BCL2L14: variants seen among roughly 807,000 people sequenced by gnomAD.
BCL2L14 encodes apoptosis facilitator Bcl-2-like protein 14.
A neutral mutation model predicts 35.3 loss-of-function variants in BCL2L14; 27 were observed. The ratio of observed to expected loss-of-function variants is 0.76; its 90% CI spans 0.56 to 1.05. The LOEUF (loss-of-function observed/expected upper bound fraction) is 1.05. BCL2L14 is among the 50% of genes least tolerant of loss of function. The probability of loss-of-function intolerance (pLI) is 0.00; values close to 1 mark genes in which losing one functional copy is unlikely to be tolerated. For synonymous variants in BCL2L14, 139 were observed against 145.9 expected, an observed-to-expected ratio of 0.95 and a Z score of 0.34; for missense variants, 377 against 382.6, an observed-to-expected ratio of 0.99 and a Z score of 0.12.
At chr12:12,075,080 T>C (rs1266462855) in intron 1 of BCL2L14, among the ~76,000 whole-genome samples, 1 of 152,200 alleles carries the variant, frequency 6.6e-6, no homozygotes, top group Non-Finnish European at 1.5e-5. Flanking sequence ...TGACATCTAA[T>C]TGATGTCTCT....
At chr12:12,054,169 A>T (rs903557709) in intron 2 of BCL2L14, among the ~76,000 whole-genome samples, 1 of 152,122 alleles carries the variant, frequency 6.6e-6, no homozygotes, top group Non-Finnish European at 1.5e-5. Flanking sequence ...ACTTAATAGG[A>T]TAGGAAACCA....
intron 1 of BCL2L14, among the ~76,000 whole-genome samples, chr12:12,051,155 G>T (rs939865662): frequency 2.0e-5 from 3 of 152,176 alleles, no homozygotes; most frequent in Non-Finnish European, 2.9e-5. Flanking sequence ...AAGAGTGAGG[G>T]AGGGGTTAAT....
chr12:12,081,232 T>G (rs1948917547), intron 2 of BCL2L14, among the ~76,000 whole-genome samples: 1 of 151,970 alleles, frequency 6.6e-6, no homozygotes, highest in Non-Finnish European at 1.5e-5. Flanking sequence ...GAGGATCACT[T>G]GACACCAAGA....
intron 2 of BCL2L14, among the ~76,000 whole-genome samples, chr12:12,085,247 G>A (rs575150176): frequency 6.6e-6 from 1 of 152,290 alleles, no homozygotes; most frequent in African/African-American, 2.4e-5. Context: ...GATGGGCACA[G>A]GGTGCTTTCT....
At chr12:12,064,854 G>A (rs954710489) in intron 2 of BCL2L14, among the ~76,000 whole-genome samples, 11 of 152,186 alleles carry the variant, frequency 7.2e-5, no homozygotes, top group East Asian at 5.8e-4. Context: ...CTCCTATCAC[G>A]ATTACCTCCT....
At chr12:12,063,824 T>C (rs1429709915) in intron 2 of BCL2L14, among the ~76,000 whole-genome samples, 3 of 151,990 alleles carry the variant, frequency 2.0e-5, no homozygotes, top group South Asian at 2.1e-4. Flanking sequence ...ACTGATGACA[T>C]TGTCTTGTGA....
chr12:12,058,253 C>CTTTT (rs58296575), intron 2 of BCL2L14, among the ~76,000 whole-genome samples: 1 of 143,630 alleles, frequency 7.0e-6, no homozygotes. Flanking sequence ...TGCCCAGACT[C>CTTTT]TTTTTTTTTT....
intron 2 of BCL2L14, among the ~76,000 whole-genome samples, chr12:12,079,964 G>T (rs1413576790): frequency 6.6e-6 from 1 of 152,208 alleles, no homozygotes; most frequent in African/African-American, 2.4e-5. Context: ...CAGCACTCTG[G>T]GAGGCCAAGG....
chr12:12,098,990 A>G lies in BCL2L14; in HGVS notation c.*2A>G, dbSNP rs1245295375. ...ATATCACATGAAGAAGTAGACTGAAATATCAGATTTGTCATCAGGAATACT... is the reference window on the plus strand; with the variant it reads ...ATATCACATGAAGAAGTAGACTGAAGTATCAGATTTGTCATCAGGAATACT... On this transcript the variant is annotated 3_prime_UTR_variant, in exon 6 of 6. Coordinates refer to ENST00000308721, the MANE Select transcript of BCL2L14 (RefSeq NM_138723.2). The G allele has an allele frequency of 1.3e-6, 2 of 1,599,318 alleles. No homozygotes were observed. The highest frequency in any genetic ancestry group is 2.2e-5 in the South Asian group (2 of 90,744).
intron 1 of BCL2L14, among the ~76,000 whole-genome samples, chr12:12,050,144 A>AGTTT (rs1171305069): frequency 6.6e-6 from 1 of 152,208 alleles, no homozygotes; most frequent in Admixed American, 6.5e-5. Flanking sequence ...GGTGGCAGAA[A>AGTTT]CACTCAGGGC....
At chr12:12,073,646 G>T (rs1948717215) in intron 1 of BCL2L14, among the ~76,000 whole-genome samples, 1 of 151,990 alleles carries the variant, frequency 6.6e-6, no homozygotes, top group Admixed American at 6.6e-5. Context: ...ATATTAAAAA[G>T]GTCTGGATGT....
At chr12:12,088,545 G>T (rs142473142) in intron 3 of BCL2L14, among the ~76,000 whole-genome samples, 2 of 152,186 alleles carry the variant, frequency 1.3e-5, no homozygotes, top group South Asian at 4.1e-4. Context: ...CTTTTAGCTT[G>T]CTTGTCTATG....
intron 2 of BCL2L14, 71 bp from the exon 3 acceptor site, chr12:12,087,142 C>T: frequency 2.0e-6 from 3 of 1,516,532 alleles, no homozygotes; most frequent in South Asian, 1.2e-5. Flanking sequence ...TCATTCCAGG[C>T]AACTTTGCAT....
Position 12,090,846 on chromosome 12 carries a change from A to G in BCL2L14, c.675A>G (p.Arg225=). Residue 225 remains arginine (R), a synonymous_variant, in exon 4 of 6, where the codon AGA becomes AGG. Coordinates refer to ENST00000308721, the MANE Select transcript of BCL2L14 (RefSeq NM_138723.2). ...AATATTCAGGAGATCAGTTGGAAAGAAAGGTATGGAACACCTTGAACTGAT... is the reference window on the plus strand; with the variant it reads ...AATATTCAGGAGATCAGTTGGAAAGGAAGGTATGGAACACCTTGAACTGAT... ...LLKYSGDQLE[R]KLKKDKALMG... The G allele has an allele frequency of 6.2e-7, 1 of 1,611,958 alleles. No homozygotes were observed. The highest frequency in any genetic ancestry group is 1.3e-5 in the African/African-American group (1 of 75,020).
chr12:12,062,660 G>A (rs756547591), intron 2 of BCL2L14, among the ~76,000 whole-genome samples: 26 of 151,914 alleles, frequency 1.7e-4, no homozygotes, highest in Non-Finnish European at 3.5e-4. Flanking sequence ...TCTTAGTCTA[G>A]GTAGACACTT....
intron 2 of BCL2L14, among the ~76,000 whole-genome samples, chr12:12,080,825 A>G (rs577052813): frequency 6.6e-6 from 1 of 152,276 alleles, no homozygotes; most frequent in African/African-American, 2.4e-5. Flanking sequence ...AAACCATCCT[A>G]CAAAAACAAC....
At chr12:12,058,170 T>TGTAACATTCTA (rs1948461616) in intron 2 of BCL2L14, among the ~76,000 whole-genome samples, 1 of 152,076 alleles carries the variant, frequency 6.6e-6, no homozygotes. Context: ...CAGGCTGTTC[T>TGTAACATTCTA]CCAACTCTTG....
At chr12:12,095,620 G>A (rs1261553807) in intron 5 of BCL2L14, 1 of 985,100 alleles carries the variant, frequency 1.0e-6, no homozygotes, top group Non-Finnish European at 1.2e-6. Flanking sequence ...CTCTCAACAG[G>A]CCTAGGCATT....
Position 12,097,016 on chromosome 12 carries a change from T to G in BCL2L14, c.946-1934T>G, listed in dbSNP as rs137879261. Among the ~76,000 whole-genome samples the G allele has an allele frequency of 1.7e-4, 26 of 152,188 alleles. No individual in the cohort carries two copies. In the East Asian group the frequency reaches 3.3e-3, roughly 19 times the overall value. On this transcript the variant is annotated intron_variant, in intron 5 of 5. Coordinates refer to ENST00000308721, the MANE Select transcript of BCL2L14 (RefSeq NM_138723.2). The stretch of plus-strand genomic sequence containing the variant: ...AAAATTAGCCGGGCATGGTGGCAGG[T>G]GCCTGTAGTCCCAGCTACTCAGGGG...
Sources: allele counts gnomAD v4.1 joint callset (sites outside exome capture counted in the v4.1 genomes callset), GRCh38; gene constraint gnomAD v4.1.1; transcripts MANE v1.5; gene names NCBI Gene and HGNC (gene_info 2026-07-23, HGNC 2026-07-21).